KAT7: variants seen among roughly 807,000 people sequenced by gnomAD.
KAT7 encodes the protein lysine acetyltransferase 7.
A neutral mutation model predicts 82.1 loss-of-function variants in KAT7; 10 were observed. The observed-to-expected ratio is 0.12, with a 90% CI of 0.08 to 0.21. The LOEUF (loss-of-function observed/expected upper bound fraction) is 0.21. Among genes scored for constraint, KAT7 ranks in the 10% least tolerant of loss-of-function variants. The probability of loss-of-function intolerance (pLI) is 1.00; values close to 1 mark genes in which losing one functional copy is unlikely to be tolerated. For missense variants in KAT7, 378 were observed against 760.9 expected (o/e 0.50, Z 5.92); for synonymous variants, 250 against 262.5 (o/e 0.95, Z 0.46).
chr17:49,825,911 T>C, intron 12 of KAT7, 89 bp from the exon 13 acceptor site: 1 of 1,395,122 alleles, frequency 7.2e-7, no homozygotes. Context: ...CTGTGCTTCT[T>C]AAACCTTCTT....
intron 2 of KAT7, among the ~76,000 whole-genome samples, chr17:49,794,524 G>T (rs962003919): frequency 6.6e-6 from 1 of 152,178 alleles, no homozygotes; most frequent in Admixed American, 6.5e-5. Context: ...GATCTCAAGT[G>T]ATCTGCCCGC....
In KAT7 at chr17:49,830,198, TTTTTTTTTTTAA is replaced by T. The variant is rs1247732240; in HGVS notation, c.*2697_*2708del. ...CGACCTATTTTTTTTTTTTTTTTTT[TTTTTTTTTTTAA>T]AAAAAGACAGTCTCACTCTATCATC... On this transcript the variant is annotated 3_prime_UTR_variant, in exon 15 of 15. Coordinates refer to ENST00000259021, the MANE Select transcript of KAT7 (RefSeq NM_007067.5). 1.4e-5 allele frequency: 2 copies of T among 138,424 alleles called. No homozygotes were observed. Among genetic ancestry groups the T allele is most frequent in the Non-Finnish European group, 3.0e-5 (2 of 66,056 alleles). 8.6% of individuals were successfully genotyped at this position (138,424 alleles called of 1,614,324 possible).
chr17:49,797,563 T>C (rs888273329), intron 3 of KAT7, among the ~76,000 whole-genome samples: 1 of 152,214 alleles, frequency 6.6e-6, no homozygotes, highest in Non-Finnish European at 1.5e-5. Flanking sequence ...AATGCAGAGG[T>C]CACAGACTGG....
At position 49,829,349 on chromosome 17, in the gene KAT7, C is replaced by CA. The variant is rs1396454831; in HGVS notation, c.*1849dup. The stretch of plus-strand genomic sequence containing the variant: ...GGTTCCAGCTAATCAGTATACGTAG[C>CA]AATGATTAGTCAGTATTACCCATTC... On this transcript the variant is annotated 3_prime_UTR_variant, in exon 15 of 15. Transcript: ENST00000259021. The CA allele has an allele frequency of 6.6e-6, 1 of 152,220 alleles. No individual in the cohort carries two copies. Among genetic ancestry groups the CA allele is most frequent in the Admixed American group, 6.5e-5 (1 of 15,284 alleles). The allele number at this position is 152,220 out of a possible 1,614,324, so 9.4% of individuals were successfully genotyped here.
chr17:49,796,655 AGAG>A (rs952006391), intron 2 of KAT7, 92 bp from the exon 3 acceptor site: 14 of 900,032 alleles, frequency 1.6e-5, no homozygotes, highest in Middle Eastern at 3.6e-4. Context: ...TGAAATATGA[AGAG>A]GAGGAGGAGC....
chr17:49,793,760 A>G (rs2073918997), intron 2 of KAT7, among the ~76,000 whole-genome samples: 1 of 151,844 alleles, frequency 6.6e-6, no homozygotes, highest in Admixed American at 6.6e-5. Context: ...TTTAGTAGAG[A>G]TGGGGTTTCA....
At chr17:49,790,352 A>G (rs972565222) in intron 1 of KAT7, among the ~76,000 whole-genome samples, 25 of 152,052 alleles carry the variant, frequency 1.6e-4, no homozygotes, top group African/African-American at 6.0e-4. Flanking sequence ...GGATTCCATG[A>G]CGCCCAGCTA....
chr17:49,793,022 A>G (rs1356201043), intron 2 of KAT7, among the ~76,000 whole-genome samples: 2 of 152,180 alleles, frequency 1.3e-5, no homozygotes, highest in Non-Finnish European at 2.9e-5. Context: ...TATGTTGTCT[A>G]GGCTGGTCTC....
intron 13 of KAT7, 35 bp downstream of exon 13, chr17:49,826,181 A>G: frequency 6.3e-7 from 1 of 1,599,800 alleles, no homozygotes; most frequent in South Asian, 1.1e-5. Context: ...GTTGATTGTT[A>G]CCCAAGAAGT....
intron 5 of KAT7, among the ~76,000 whole-genome samples, chr17:49,805,849 A>T (rs1375466673): frequency 1.6e-4 from 25 of 152,138 alleles, no homozygotes; most frequent in Admixed American, 1.6e-3. Flanking sequence ...TGCTTTTAAA[A>T]ACCTTTCATA....
chr17:49,806,303 C>T (rs1015131667), intron 5 of KAT7, among the ~76,000 whole-genome samples: 3 of 152,200 alleles, frequency 2.0e-5, no homozygotes, highest in Non-Finnish European at 4.4e-5. Flanking sequence ...CTCTTATTTA[C>T]AGGTAGACCG....
chr17:49,797,744 A>G (rs1207102294), intron 3 of KAT7, among the ~76,000 whole-genome samples: 1 of 152,270 alleles, frequency 6.6e-6, no homozygotes, highest in Non-Finnish European at 1.5e-5. Context: ...CCAATCACCC[A>G]TAGTAATAAT....
chr17:49,826,722 G>A lies in KAT7; in HGVS notation c.1657G>A (p.Val553Met). 1 of 1,611,850 alleles carries A rather than the reference G, an allele frequency of 6.2e-7. No individual in the cohort carries two copies. Among genetic ancestry groups the A allele is most frequent in the Non-Finnish European group, 8.5e-7 (1 of 1,179,584 alleles). ...CAGTCAGGAGACGGCTGTGAATCCT[G>A]TGGACATTGTCAGCACTCTGCAAGC... ...EISQETAVNP[V>M]DIVSTLQALQ... Residue 553 changes from valine to methionine, a missense_variant, in exon 14 of 15, where the codon GTG (valine) becomes ATG (methionine). This residue lies in a region of KAT7 where 44 missense variants were observed against 102.2 expected (regional missense o/e 0.43). Coordinates refer to ENST00000259021, the MANE Select transcript of KAT7 (RefSeq NM_007067.5).
intron 2 of KAT7, among the ~76,000 whole-genome samples, 177 bp from the exon 3 acceptor site, chr17:49,796,573 A>G (rs2073959065): frequency 6.6e-6 from 1 of 152,218 alleles, no homozygotes; most frequent in Admixed American, 6.5e-5. Context: ...TTACATCTGT[A>G]TACCTGAGCT....
chr17:49,833,597 G>A lies in KAT7; in HGVS notation c.*6095G>A, dbSNP rs541333740. 5.3e-5 allele frequency: 8 copies of A among 152,360 alleles called. No individual in the cohort carries two copies. The highest frequency in any genetic ancestry group is 1.7e-4 in the African/African-American group (7 of 41,574). 9.4% of individuals were successfully genotyped at this position (152,360 alleles called of 1,614,324 possible). A position where few individuals can be genotyped will look rare whatever the true frequency, so the allele number is the denominator to read the frequency against. ...AAGCTGACACGTTTCCAAACGAGAA[G>A]CTTGGGCTAAATTACTGAATGGTGA... On this transcript the variant is annotated 3_prime_UTR_variant, in exon 15 of 15. Coordinates refer to ENST00000259021, the MANE Select transcript of KAT7 (RefSeq NM_007067.5).
chr17:49,793,186 AAG>A (rs2073912111), intron 2 of KAT7, among the ~76,000 whole-genome samples: 1 of 152,228 alleles, frequency 6.6e-6, no homozygotes. Flanking sequence ...ATTACAAGTC[AAG>A]GAGCATCTGT....
rs1436593467 is a variant in KAT7, at chr17:49,798,495, C to T, written c.517C>T (p.Arg173Cys). The change falls in exon 4 of 15, where the codon CGT (arginine) becomes TGT (cysteine). Residue 173 changes from arginine (R) to cysteine (C), a missense_variant. Coordinates refer to ENST00000259021, the MANE Select transcript of KAT7 (RefSeq NM_007067.5). ...GSDLSHRPKR[R>C]RFHESYNFNM... ...TGATCTCTCTCATCGCCCCAAGCGC[C>T]GTCGCTTCCATGAAAGCTACAACTT... The T allele has an allele frequency of 3.1e-6, 5 of 1,613,948 alleles. No individual in the cohort carries two copies. The highest frequency in any genetic ancestry group is 1.3e-5 in the African/African-American group (1 of 74,934).
Position 49,826,128 on chromosome 17 carries a change from A to C in KAT7, c.1609A>C (p.Lys537Gln), listed in dbSNP as rs756110504. The change falls in exon 13 of 15, where the codon AAA becomes CAA. Residue 537 changes from lysine to glutamine, a missense_variant. Physicochemically the swap from Lys to Gln is moderately conservative, Grantham distance 53 (BLOSUM62 1). Around this residue, in one of 6 missense-constraint regions of KAT7, gnomAD observed 44 missense variants for 102.2 expected, o/e 0.43. Coordinates refer to ENST00000259021, the MANE Select transcript of KAT7 (RefSeq NM_007067.5). ...CCGCTACCTGCATAATTTTCAAGGC[A>C]AAGAGATTTCTATCAAAGGTTGGTT... The part of the protein sequence containing the change: ...LLRYLHNFQG[K>Q]EISIKEISQE... The C allele has an allele frequency of 6.2e-6, 10 of 1,613,914 alleles. No homozygotes were observed. The East Asian group carries it at 2.2e-4, about 36-fold the overall frequency.
At chr17:49,803,678 C>T (rs1598062551) in intron 4 of KAT7, among the ~76,000 whole-genome samples, 1 of 152,092 alleles carries the variant, frequency 6.6e-6, no homozygotes, top group Non-Finnish European at 1.5e-5. Flanking sequence ...CCTGCCTCGC[C>T]CTCCCAAAGT....
Sources: allele counts gnomAD v4.1 joint callset (sites outside exome capture counted in the v4.1 genomes callset), GRCh38; gene constraint gnomAD v4.1.1; regional missense constraint gnomAD v4.1.1; transcripts MANE v1.5; gene names NCBI Gene and HGNC (gene_info 2026-07-23, HGNC 2026-07-21).